Variants in NRXN3 observed in about 807,000 individuals in gnomAD.
NRXN3 encodes neurexin III.
NRXN3 carries 32 observed loss-of-function variants against 137.6 expected under a neutral mutation model. That is an observed-to-expected ratio of 0.23 (90% CI 0.18 to 0.31). NRXN3 has a LOEUF of 0.31. NRXN3 is among the 10% of genes least tolerant of loss of function. NRXN3 has a pLI of 1.00. For synonymous variants in NRXN3, 798 were observed against 784.5 expected, an observed-to-expected ratio of 1.02 and a Z score of -0.29; for missense variants, 1,574 against 2,062.5, an observed-to-expected ratio of 0.76 and a Z score of 4.59.
intron 16 of NRXN3, among the ~76,000 whole-genome samples, chr14:79,655,016 C>T (rs2098498600): frequency 6.6e-6 from 1 of 152,150 alleles, no homozygotes; most frequent in African/African-American, 2.4e-5. Context: ...AGCAGCTGCT[C>T]ATTTTTGGCC....
intron 4 of NRXN3, among the ~76,000 whole-genome samples, chr14:78,434,758 C>G (rs968902653): frequency 6.6e-6 from 1 of 152,104 alleles, no homozygotes; most frequent in Non-Finnish European, 1.5e-5. Context: ...AGAACAGCTA[C>G]AGAGGAGTGG....
intron 15 of NRXN3, among the ~76,000 whole-genome samples, chr14:79,052,465 C>A (rs1328077575): frequency 1.3e-5 from 2 of 152,164 alleles, no homozygotes; most frequent in East Asian, 3.9e-4. Context: ...TTACACTGGA[C>A]TGATTTTTGG....
chr14:79,558,491 G>A (rs1004155259), intron 16 of NRXN3, among the ~76,000 whole-genome samples: 1 of 151,756 alleles, frequency 6.6e-6, no homozygotes, highest in East Asian at 1.9e-4. Context: ...CTCTTTCAGA[G>A]CTCTTGGGTG....
intron 15 of NRXN3, among the ~76,000 whole-genome samples, chr14:79,057,396 G>C (rs978857905): frequency 1.3e-5 from 2 of 152,172 alleles, no homozygotes. Flanking sequence ...TGTGGATTTA[G>C]TGTGTGTTAT....
In NRXN3 at chr14:78,524,109, C is replaced by CA. The variant is rs142622403; in HGVS notation, c.758-121006dup. On this transcript the variant is annotated intron_variant, in intron 4 of 20. Coordinates refer to ENST00000335750, the MANE Select transcript of NRXN3 (RefSeq NM_001330195.2). ...ACATACACCTCATAAGTGATTTTGA[C>CA]AAAAAGATGTGCTGCAAGCACAGTG... Among the ~76,000 whole-genome samples the CA allele has an allele frequency of 5.9e-5, 9 of 152,212 alleles. No homozygotes were observed. In the East Asian group the frequency reaches 1.7e-3, roughly 29 times the overall value.
intron 19 of NRXN3, among the ~76,000 whole-genome samples, chr14:79,803,339 G>A (rs2099189226): frequency 6.6e-6 from 1 of 152,084 alleles, no homozygotes; most frequent in Non-Finnish European, 1.5e-5. Flanking sequence ...CAGACCAGGT[G>A]GCTTAGACAA....
chr14:79,105,483 G>A (rs1022418363), intron 15 of NRXN3, among the ~76,000 whole-genome samples: 6 of 152,094 alleles, frequency 3.9e-5, no homozygotes, highest in African/African-American at 1.4e-4. Context: ...CATTTCTCTG[G>A]TTGAAGTTTT....
chr14:78,747,679 G>A (rs182679146), intron 8 of NRXN3, among the ~76,000 whole-genome samples: 18 of 152,132 alleles, frequency 1.2e-4, no homozygotes, highest in Admixed American at 1.2e-3. Flanking sequence ...TCATACTTTT[G>A]GTAGCGCCTT....
chr14:78,295,181 C>G (rs182182843), intron 3 of NRXN3, among the ~76,000 whole-genome samples: 1 of 152,150 alleles, frequency 6.6e-6, no homozygotes, highest in South Asian at 2.1e-4. Context: ...ATTCTTTTCT[C>G]AAAAAGCAAA....
At chr14:79,799,093 G>A (rs1279395287) in intron 19 of NRXN3, among the ~76,000 whole-genome samples, 2 of 151,984 alleles carry the variant, frequency 1.3e-5, no homozygotes, top group Admixed American at 6.6e-5. Context: ...GAACATAAAT[G>A]CAATAAAAAA....
At chr14:78,636,575 G>A (rs67977214) in intron 4 of NRXN3, among the ~76,000 whole-genome samples, 26,643 of 152,054 alleles carry the variant, frequency 0.18, 2,504 homozygotes, top group South Asian at 0.24. Flanking sequence ...AAATGTTCTC[G>A]TGGAGTCACG....
chr14:79,026,914 GA>G (rs2099598851), intron 15 of NRXN3, among the ~76,000 whole-genome samples: 4 of 97,336 alleles, frequency 4.1e-5, no homozygotes, highest in Middle Eastern at 5.4e-3. Context: ...CGTGATCCCA[GA>G]AAAAAAAGTA....
At chr14:78,711,781 T>C (rs2098410311) in intron 7 of NRXN3, among the ~76,000 whole-genome samples, 1 of 152,208 alleles carries the variant, frequency 6.6e-6, no homozygotes, top group African/African-American at 2.4e-5. Flanking sequence ...GATCAAAGCC[T>C]ATTAAAAACT....
chr14:79,370,073 T>C (rs1191284205), intron 15 of NRXN3, among the ~76,000 whole-genome samples: 2 of 152,160 alleles, frequency 1.3e-5, no homozygotes, highest in African/African-American at 2.4e-5. Context: ...AAGACAAACA[T>C]GAAGTAAGGA....
chr14:79,731,986 TCCTC>T (rs1189414650), intron 19 of NRXN3, among the ~76,000 whole-genome samples: 1 of 152,070 alleles, frequency 6.6e-6, no homozygotes, highest in Non-Finnish European at 1.5e-5. Context: ...ATCCTTTTAT[TCCTC>T]CCTCCCTCAC....
intron 4 of NRXN3, among the ~76,000 whole-genome samples, chr14:78,497,717 A>G (rs1469822844): frequency 6.6e-6 from 1 of 152,044 alleles, no homozygotes; most frequent in Non-Finnish European, 1.5e-5. Flanking sequence ...GAGGCAATAT[A>G]TTTCATGGTT....
intron 15 of NRXN3, among the ~76,000 whole-genome samples, chr14:79,241,818 A>G (rs7145683): frequency 0.69 from 105,532 of 152,068 alleles, 37,726 homozygotes; most frequent in African/African-American, 0.85. Flanking sequence ...TGTAATCCCA[A>G]CACTTTGGGA....
intron 2 of NRXN3, among the ~76,000 whole-genome samples, chr14:78,244,334 G>T (rs1223000632): frequency 6.6e-6 from 1 of 152,196 alleles, no homozygotes; most frequent in African/African-American, 2.4e-5. Context: ...CAAGGCTGAG[G>T]CAGGATAATC....
At chr14:79,426,613 T>C (rs2095658432) in intron 15 of NRXN3, among the ~76,000 whole-genome samples, 1 of 152,194 alleles carries the variant, frequency 6.6e-6, no homozygotes, top group South Asian at 2.1e-4. Context: ...TTACTGAAGG[T>C]TAACGTGCTG....
Sources: allele counts gnomAD v4.1 joint callset (sites outside exome capture counted in the v4.1 genomes callset), GRCh38; gene constraint gnomAD v4.1.1; transcripts MANE v1.5; gene names NCBI Gene and HGNC (gene_info 2026-07-23, HGNC 2026-07-21).